The following DENND11 variants were observed in gnomAD, a reference collection of about 807,000 sequenced individuals.
DENND11 encodes DENN domain-containing protein 11.
A neutral mutation model predicts 49.2 loss-of-function variants in DENND11; 34 were observed. That is an observed-to-expected ratio of 0.69 (90% CI 0.53 to 0.92). The LOEUF (loss-of-function observed/expected upper bound fraction) is 0.92, where lower values mean the gene tolerates loss of function less well. Ranked by LOEUF, DENND11 falls within the 40% of genes least tolerant of loss-of-function variation. DENND11 has a pLI of 0.00. For synonymous variants in DENND11, 238 were observed against 230.3 expected (o/e 1.03, Z -0.30); for missense variants, 475 against 581.6 (o/e 0.82, Z 1.88).
intron 3 of DENND11, among the ~76,000 whole-genome samples, chr7:141,684,470 T>C (rs2117070856): frequency 6.6e-6 from 1 of 152,294 alleles, no homozygotes; most frequent in South Asian, 2.1e-4. Flanking sequence ...TGTAAAGATA[T>C]TTGTATTCTA....
intron 3 of DENND11, 40 bp from the exon 4 acceptor site, chr7:141,674,260 G>C (rs1444206860): frequency 6.9e-7 from 1 of 1,454,652 alleles, no homozygotes; most frequent in Non-Finnish European, 9.1e-7. Context: ...CACACACACA[G>C]TGAGAACAGC....
chr7:141,686,971 G>C (rs879226089), intron 1 of DENND11, among the ~76,000 whole-genome samples: 4 of 152,098 alleles, frequency 2.6e-5, no homozygotes. Flanking sequence ...TCACTTCTCT[G>C]CATGTTTTTT....
chr7:141,674,776 TAAA>T (rs1798040287), intron 3 of DENND11, among the ~76,000 whole-genome samples: 1 of 152,116 alleles, frequency 6.6e-6, no homozygotes, highest in South Asian at 2.1e-4. Flanking sequence ...AATAAAGAAA[TAAA>T]AAGCATCAGA....
At chr7:141,694,846 C>T (rs1328537439) in intron 1 of DENND11, among the ~76,000 whole-genome samples, 2 of 152,180 alleles carry the variant, frequency 1.3e-5, no homozygotes, top group East Asian at 1.9e-4. Flanking sequence ...GCTTCTCCTG[C>T]TACCTCAGGT....
Position 141,686,590 on chromosome 7 carries a change from T to C in DENND11, c.337A>G (p.Ser113Gly), listed in dbSNP as rs1377886725. ...LEGVEFKSMA[S>G]GSHKIQSDFI... ...TCAGATTGGATTTTATGGGACCCAC[T>C]GGCCATAGACTTGAACTCAACACCT... is the stretch of plus-strand genomic sequence containing the variant. The change falls in exon 2 of 9, where the codon AGT (serine) becomes GGT (glycine). Residue 113 changes from serine to glycine, a missense_variant. By Grantham distance (56) the Ser-to-Gly change is moderately conservative (BLOSUM62 0). Transcript: ENST00000536163. 1 of 1,612,964 alleles carries C rather than the reference T, an allele frequency of 6.2e-7. No homozygotes were observed. Among genetic ancestry groups the C allele is most frequent in the African/African-American group, 1.3e-5 (1 of 75,038 alleles).
chr7:141,659,018 C>G lies in DENND11; in HGVS notation c.*3638G>C, dbSNP rs901708505. 1.3e-5 allele frequency: 2 copies of G among 152,484 alleles called. No individual in the cohort carries two copies. Among genetic ancestry groups the G allele is most frequent in the East Asian group, 3.8e-4 (2 of 5,196 alleles). 9.4% of individuals were successfully genotyped at this position (152,484 alleles called of 1,614,324 possible). Reference sequence around the variant, plus strand: ...AAAGTGTCATCGGTAGTCACATGATCAACAAATGTTCACATGTGGCATCTG... The same window carrying G: ...AAAGTGTCATCGGTAGTCACATGATGAACAAATGTTCACATGTGGCATCTG... On this transcript the variant is annotated 3_prime_UTR_variant, in exon 9 of 9. Coordinates refer to ENST00000536163, the MANE Select transcript of DENND11 (RefSeq NM_001080392.2).
chr7:141,692,169 C>G (rs951181103), intron 1 of DENND11, among the ~76,000 whole-genome samples: 1 of 152,196 alleles, frequency 6.6e-6, no homozygotes, highest in Non-Finnish European at 1.5e-5. Context: ...GTCAATGCAA[C>G]AGATGTACTT....
At position 141,702,144 on chromosome 7, in the gene DENND11, G is replaced by A; in HGVS notation, c.10C>T (p.Gln4Ter). 1 of 982,588 alleles carries A rather than the reference G, an allele frequency of 1.0e-6. No individual in the cohort carries two copies. Among genetic ancestry groups the A allele is most frequent in the Non-Finnish European group, 1.2e-6 (1 of 829,572 alleles). The allele number at this position is 982,588 out of a possible 1,614,324, so 60.9% of individuals were successfully genotyped here. A position where few individuals can be genotyped will look rare whatever the true frequency, so the allele number is the denominator to read the frequency against. Reference sequence around the variant, plus strand: ...CGCAGCAGCGGCGCCGCGTCTCCCTGCTCCACCATGGCTAGGCGAGGCGGA... The same window carrying A: ...CGCAGCAGCGGCGCCGCGTCTCCCTACTCCACCATGGCTAGGCGAGGCGGA... MVE[Q>*]GDAAPLLRWA... is the part of the protein sequence containing the mutation. The change falls in exon 1 of 9, where the codon CAG (glutamine) becomes TAG (stop). Residue 4 changes from glutamine (Q) to a stop codon, truncating the protein, a stop_gained. Transcript: ENST00000536163. LOFTEE classifies it high-confidence loss of function.
In DENND11 at chr7:141,681,611, AAAG is replaced by A. The variant is rs545051573; in HGVS notation, c.527+3864_527+3866del. Reference sequence around the variant, plus strand: ...GTCTGCTAATTAAAAACAATGACCCAAAGAAGATCTTTGGCCATGGATATTTTA... The same window carrying A: ...GTCTGCTAATTAAAAACAATGACCCAAAGATCTTTGGCCATGGATATTTTA... On this transcript the variant is annotated intron_variant, in intron 3 of 8. Transcript: ENST00000536163. Among the ~76,000 whole-genome samples, 16 of 152,334 alleles carry A rather than the reference AAAG, an allele frequency of 1.1e-4. No homozygotes were observed. The East Asian group carries it at 1.9e-3, about 18-fold the overall frequency.
At chr7:141,694,919 G>A (rs1798388557) in intron 1 of DENND11, among the ~76,000 whole-genome samples, 1 of 152,098 alleles carries the variant, frequency 6.6e-6, no homozygotes, top group Non-Finnish European at 1.5e-5. Flanking sequence ...ATTTCAGACA[G>A]CCCCCCTCCC....
At chr7:141,698,836 CCT>C (rs1281917504) in intron 1 of DENND11, among the ~76,000 whole-genome samples, 3 of 152,080 alleles carry the variant, frequency 2.0e-5, no homozygotes, top group African/African-American at 7.2e-5. Flanking sequence ...TTTCACTCTC[CCT>C]CTCTCTCAGG....
At chr7:141,673,084 A>G (rs1405622316) in intron 4 of DENND11, among the ~76,000 whole-genome samples, 6 of 152,172 alleles carry the variant, frequency 3.9e-5, no homozygotes, top group African/African-American at 1.4e-4. Context: ...TTCCGTGTCC[A>G]CATCTCTGCA....
rs149414349 is a variant in DENND11 at position 141,672,122 on chromosome 7, G to A, written c.681+1945C>T. Among the ~76,000 whole-genome samples the A allele has an allele frequency of 5.3e-4, 81 of 152,312 alleles. 1 individual carries two copies. Among genetic ancestry groups the A allele is most frequent in the African/African-American group, 1.9e-3 (78 of 41,582 alleles). On this transcript the variant is annotated intron_variant, in intron 4 of 8. Coordinates refer to ENST00000536163, the MANE Select transcript of DENND11 (RefSeq NM_001080392.2). ...AGAGGTCCCAGCACAGATGCGCAGT[G>A]CCTCCCTCAGCGATCTGAGCACTGG...
intron 4 of DENND11, among the ~76,000 whole-genome samples, chr7:141,667,432 A>G (rs1401433842): frequency 6.6e-6 from 1 of 152,168 alleles, no homozygotes; most frequent in African/African-American, 2.4e-5. Flanking sequence ...CGGAATCATC[A>G]CCTACCTCGT....
intron 3 of DENND11, among the ~76,000 whole-genome samples, chr7:141,685,055 TA>T (rs1563002255): frequency 7.1e-6 from 1 of 139,944 alleles, no homozygotes; most frequent in African/African-American, 2.6e-5. Flanking sequence ...TATATATATA[TA>T]TATTTTTAAG....
At position 141,659,971 on chromosome 7, in the gene DENND11, G is replaced by A. The variant is rs1253827534; in HGVS notation, c.*2685C>T. ...GGCTCCTAGCTTCTGCTGCCACTGTGGAATTCCCTAGTAGAGAACTGGTAG... is the reference window on the plus strand; with the variant it reads ...GGCTCCTAGCTTCTGCTGCCACTGTAGAATTCCCTAGTAGAGAACTGGTAG... On this transcript the variant is annotated 3_prime_UTR_variant, in exon 9 of 9. Coordinates refer to ENST00000536163, the MANE Select transcript of DENND11 (RefSeq NM_001080392.2). 6.6e-6 allele frequency: 1 copy of A among 152,220 alleles called. No homozygotes were observed. Among genetic ancestry groups the A allele is most frequent in the Non-Finnish European group, 1.5e-5 (1 of 68,042 alleles). 9.4% of individuals were successfully genotyped at this position (152,220 alleles called of 1,614,324 possible).
At chr7:141,688,736 A>G (rs1798282245) in intron 1 of DENND11, among the ~76,000 whole-genome samples, 1 of 152,150 alleles carries the variant, frequency 6.6e-6, no homozygotes, top group Non-Finnish European at 1.5e-5. Flanking sequence ...GCATCAGGAC[A>G]GCTAGGGAGC....
chr7:141,676,715 T>C (rs1434411354), intron 3 of DENND11, among the ~76,000 whole-genome samples: 1 of 152,196 alleles, frequency 6.6e-6, no homozygotes, highest in Non-Finnish European at 1.5e-5. Flanking sequence ...AACCAAAAAG[T>C]ACTGACACAA....
intron 3 of DENND11, among the ~76,000 whole-genome samples, chr7:141,677,055 G>A (rs1798068854): frequency 6.6e-6 from 1 of 152,106 alleles, no homozygotes; most frequent in Admixed American, 6.6e-5. Context: ...TACCACACTG[G>A]CAATAATTCA....
Sources: gnomAD v4.1 joint callset for allele counts (sites outside exome capture counted in the v4.1 genomes callset) on GRCh38, gnomAD v4.1.1 for gene constraint, MANE v1.5 for transcripts, NCBI Gene and HGNC (gene_info 2026-07-23, HGNC 2026-07-21) for gene names.